Variants in TBC1D8 observed in about 807,000 individuals in gnomAD.
The protein encoded by TBC1D8 is TBC1 domain family member 8.
A neutral mutation model predicts 118.8 loss-of-function variants in TBC1D8; 65 were observed. The observed-to-expected ratio is 0.55, with a 90% CI of 0.45 to 0.67. TBC1D8 has a LOEUF of 0.67. Ranked by LOEUF, TBC1D8 falls within the 30% of genes least tolerant of loss-of-function variation. The pLI is 0.00. For missense variants in TBC1D8, 1,376 were observed against 1,471.2 expected (o/e 0.94, Z 1.06); for synonymous variants, 566 against 595.8 (o/e 0.95, Z 0.73).
intron 15 of TBC1D8, among the ~76,000 whole-genome samples, chr2:101,022,859 T>C (rs1189597389): frequency 6.6e-5 from 10 of 152,270 alleles, no homozygotes; most frequent in Non-Finnish European, 1.3e-4. Context: ...TCCTACTTTT[T>C]TGGCCAGGCG....
chr2:101,113,947 C>A (rs1490341364), intron 1 of TBC1D8, among the ~76,000 whole-genome samples: 2 of 152,222 alleles, frequency 1.3e-5, no homozygotes, highest in Admixed American at 1.3e-4. Context: ...CATTTCAAGA[C>A]AGCAACTCTT....
chr2:101,121,840 C>A (rs1003253518), intron 1 of TBC1D8, among the ~76,000 whole-genome samples: 9 of 152,170 alleles, frequency 5.9e-5, no homozygotes, highest in Middle Eastern at 3.4e-3. Context: ...CCAAGGCAGG[C>A]GGATCACCTG....
chr2:101,070,677 T>A (rs567425582), intron 2 of TBC1D8, among the ~76,000 whole-genome samples: 6 of 152,316 alleles, frequency 3.9e-5, no homozygotes, highest in African/African-American at 1.4e-4. Context: ...CCTCCCAAAG[T>A]GCTGGGATTA....
intron 2 of TBC1D8, among the ~76,000 whole-genome samples, chr2:101,060,846 C>G (rs917831319): frequency 2.0e-5 from 3 of 152,160 alleles, no homozygotes; most frequent in Non-Finnish European, 4.4e-5. Flanking sequence ...AATCATCTAG[C>G]CAGTGTGAGA....
At chr2:101,150,695 A>G (rs1387518132) in intron 1 of TBC1D8, among the ~76,000 whole-genome samples, 1 of 152,088 alleles carries the variant, frequency 6.6e-6, no homozygotes, top group Admixed American at 6.5e-5. Context: ...CCCAGCCACG[A>G]CACCACCTGG....
intron 1 of TBC1D8, among the ~76,000 whole-genome samples, chr2:101,134,187 TCTCTCTCTCTCACACACA>T (rs1209705369): frequency 2.5e-4 from 24 of 95,128 alleles, no homozygotes; most frequent in African/African-American, 9.2e-4. Flanking sequence ...TCTCTCTCTC[TCTCTCTCTCTCACACACA>T]CACACACACA....
intron 2 of TBC1D8, among the ~76,000 whole-genome samples, chr2:101,082,344 T>A (rs1012711947): frequency 2.0e-5 from 3 of 152,070 alleles, no homozygotes; most frequent in African/African-American, 7.2e-5. Flanking sequence ...GAAGTCTCCT[T>A]GTTCATCCAG....
At chr2:101,073,300 ATT>A (rs34252571) in intron 2 of TBC1D8, among the ~76,000 whole-genome samples, 1 of 143,648 alleles carries the variant, frequency 7.0e-6, no homozygotes, top group Non-Finnish European at 1.5e-5. Context: ...TATTTTATTT[ATT>A]TTTTTTTTTG....
At position 101,028,612 on chromosome 2, in the gene TBC1D8, G is replaced by A. The variant is rs1680492367; in HGVS notation, c.2223-180C>T. 5 of 868,400 alleles carry A rather than the reference G, an allele frequency of 5.8e-6. No individual in the cohort carries two copies. The Admixed American group carries it at 1.6e-4, about 27-fold the overall frequency. The allele number at this position is 868,400 out of a possible 1,614,324, so 53.8% of individuals were successfully genotyped here. ...GAGAGGCAGTCATGAAGCCCGGCTT[G>A]TGGATTGGGCTCCACAGGTGGCTTT... On this transcript the variant is annotated intron_variant, in intron 12 of 19. Transcript: ENST00000409318.
intron 1 of TBC1D8, among the ~76,000 whole-genome samples, chr2:101,147,943 T>A (rs1387531782): frequency 1.3e-5 from 2 of 152,088 alleles, no homozygotes; most frequent in East Asian, 3.9e-4. Flanking sequence ...CAATATCACT[T>A]CCGCAAGCAG....
chr2:101,142,202 T>G (rs1253333256), intron 1 of TBC1D8, among the ~76,000 whole-genome samples: 1 of 152,108 alleles, frequency 6.6e-6, no homozygotes, highest in African/African-American at 2.4e-5. Context: ...ATGCTCTGCT[T>G]GGAAACAATT....
Position 101,042,738 on chromosome 2 carries a change from A to G in TBC1D8, c.873-2353T>C, listed in dbSNP as rs1383416506. Among the ~76,000 whole-genome samples, 16 of 151,322 alleles carry G rather than the reference A, an allele frequency of 1.1e-4. No homozygotes were observed. In the Admixed American group the frequency reaches 1.1e-3, roughly 10 times the overall value. On this transcript the variant is annotated intron_variant, in intron 5 of 19. Transcript: ENST00000409318. Reference sequence around the variant, plus strand: ...TTGCTTACATTTTCTACATGACTACATATTAGCTTTAAAAAAAAAAAAAAC... The same window carrying G: ...TTGCTTACATTTTCTACATGACTACGTATTAGCTTTAAAAAAAAAAAAAAC...
At chr2:101,103,242 AAAG>A (rs961649331) in intron 1 of TBC1D8, among the ~76,000 whole-genome samples, 13 of 151,864 alleles carry the variant, frequency 8.6e-5, no homozygotes, top group African/African-American at 2.7e-4. Flanking sequence ...TCCACAGGCT[AAAG>A]AAGAAAAAAC....
chr2:101,027,500 C>A, intron 14 of TBC1D8, 49 bp from the exon 15 acceptor site: 1 of 1,568,136 alleles, frequency 6.4e-7, no homozygotes, highest in Non-Finnish European at 8.8e-7. Flanking sequence ...GCCTGCACCC[C>A]CAGGGGTCAG....
At chr2:101,121,876 G>C (rs754834016) in intron 1 of TBC1D8, among the ~76,000 whole-genome samples, 45 of 151,994 alleles carry the variant, frequency 3.0e-4, no homozygotes, top group Non-Finnish European at 4.9e-4. Context: ...GACCAGCCTG[G>C]CCAATATGGT....
intron 1 of TBC1D8, among the ~76,000 whole-genome samples, chr2:101,108,418 C>A (rs1449147214): frequency 6.6e-6 from 1 of 152,162 alleles, no homozygotes; most frequent in Non-Finnish European, 1.5e-5. Flanking sequence ...TAATTGTATT[C>A]ATTTGTTACT....
chr2:101,030,887 G>A (rs893354714), intron 11 of TBC1D8, among the ~76,000 whole-genome samples: 1 of 152,206 alleles, frequency 6.6e-6, no homozygotes, highest in African/African-American at 2.4e-5. Context: ...AGACACAAAA[G>A]ACCCTGTCCT....
At chr2:101,074,051 C>G (rs532703008) in intron 2 of TBC1D8, among the ~76,000 whole-genome samples, 38 of 152,366 alleles carry the variant, frequency 2.5e-4, no homozygotes, top group Admixed American at 7.8e-4. Flanking sequence ...TAGCTTTCAG[C>G]CTATCTCAAT....
At chr2:101,087,515 T>C (rs1205051784) in intron 2 of TBC1D8, among the ~76,000 whole-genome samples, 3 of 151,784 alleles carry the variant, frequency 2.0e-5, no homozygotes, top group African/African-American at 7.3e-5. Context: ...TGGTGGCGCA[T>C]GCTTGCAATC....
Sources: gnomAD v4.1 joint callset for allele counts (sites outside exome capture counted in the v4.1 genomes callset) on GRCh38, gnomAD v4.1.1 for gene constraint, MANE v1.5 for transcripts, NCBI Gene and HGNC (gene_info 2026-07-23, HGNC 2026-07-21) for gene names.